PATL1: variants seen among roughly 807,000 people sequenced by gnomAD.
PATL1 encodes the protein protein PAT1 homolog 1.
In PATL1, 32 loss-of-function variants were observed where a neutral mutation model predicts 100.6. The ratio of observed to expected loss-of-function variants is 0.32; its 90% confidence interval spans 0.24 to 0.43. The LOEUF is 0.43. PATL1 is among the 20% of genes least tolerant of loss of function. The pLI is 1.00. For missense variants in PATL1, 747 were observed against 949.9 expected, an observed-to-expected ratio of 0.79 and a Z score of 2.81; for synonymous variants, 332 against 330.0, an observed-to-expected ratio of 1.01 and a Z score of -0.07.
chr11:59,651,469 C>G, intron 12 of PATL1, 75 bp downstream of exon 12: 1 of 1,168,056 alleles, frequency 8.6e-7, no homozygotes, highest in South Asian at 1.3e-5. Flanking sequence ...CATGCCTGAT[C>G]TCATTCCATG....
At chr11:59,659,226 T>TTC in intron 3 of PATL1, 26 bp downstream of exon 3, 2 of 1,542,910 alleles carry the variant, frequency 1.3e-6, no homozygotes, top group African/African-American at 2.7e-5. Context: ...TCTGCTATAG[T>TTC]TCTCAAATCA....
At chr11:59,658,432 C>T (rs1183836373) in intron 4 of PATL1, among the ~76,000 whole-genome samples, 1 of 151,986 alleles carries the variant, frequency 6.6e-6, no homozygotes, top group Admixed American at 6.5e-5. Context: ...AAGTGATTCT[C>T]CTGCCTCAGC....
chr11:59,641,376 C>T (rs1015853576), intron 16 of PATL1, among the ~76,000 whole-genome samples: 1 of 151,924 alleles, frequency 6.6e-6, no homozygotes, highest in Non-Finnish European at 1.5e-5. Context: ...ATGACTCATA[C>T]CTATAAATGG....
intron 5 of PATL1, among the ~76,000 whole-genome samples, chr11:59,657,280 G>A (rs1242960533): frequency 6.6e-6 from 1 of 152,190 alleles, no homozygotes; most frequent in Non-Finnish European, 1.5e-5. Flanking sequence ...CTTCAAAAAG[G>A]ATATATGTGC....
intron 16 of PATL1, 21 bp downstream of exon 16, chr11:59,642,859 G>A: frequency 6.2e-7 from 1 of 1,602,632 alleles, no homozygotes; most frequent in East Asian, 2.2e-5. Context: ...AAAGTTCAAG[G>A]AGTTAAAAGG....
chr11:59,644,343 GGAAA>G (rs141902731), intron 15 of PATL1, among the ~76,000 whole-genome samples: 3,443 of 151,546 alleles, frequency 0.023, 124 homozygotes, highest in African/African-American at 0.08. Context: ...CCATTTCTCA[GGAAA>G]GAATTTTAAA....
chr11:59,667,739 T>A (rs1464038383), intron 1 of PATL1, among the ~76,000 whole-genome samples: 1 of 152,234 alleles, frequency 6.6e-6, no homozygotes. Context: ...GGGCAAAGAT[T>A]ACAGATTATC....
Position 59,650,788 on chromosome 11 carries a change from T to C in PATL1, c.1550A>G (p.Asp517Gly), listed in dbSNP as rs1208737155. 1 of 1,557,926 alleles carries C rather than the reference T, an allele frequency of 6.4e-7. No individual in the cohort carries two copies. The highest frequency in any genetic ancestry group is 1.4e-5 in the African/African-American group (1 of 74,022). The change falls in exon 13 of 19, where the codon GAC becomes GGC. Residue 517 changes from aspartate to glycine, a missense_variant. Asp to Gly is a moderately conservative substitution (Grantham distance 94). Around this residue, in one of 4 missense-constraint regions of PATL1, gnomAD observed 434 missense variants for 596.1 expected, o/e 0.73. Transcript: ENST00000300146. ...DDETKEKQVRDKRRKTLVIIE... is the reference protein window; with the variant it reads ...DDETKEKQVRGKRRKTLVIIE... ...TATAACAAGGGTTTTTCTCCTCTTG[T>C]CTCGAACTTGTTTTTCTTTTGTCTC... is the stretch of plus-strand genomic sequence containing the variant.
intron 14 of PATL1, among the ~76,000 whole-genome samples, chr11:59,648,193 T>G (rs1426660688): frequency 6.7e-6 from 1 of 150,020 alleles, no homozygotes; most frequent in East Asian, 1.9e-4. Flanking sequence ...TTCTTTTTTT[T>G]TTTTTTTTTT....
intron 2 of PATL1, among the ~76,000 whole-genome samples, chr11:59,666,417 A>G (rs904225224): frequency 1.3e-5 from 2 of 152,190 alleles, no homozygotes; most frequent in East Asian, 1.9e-4. Flanking sequence ...TATACTAGTG[A>G]TAGACTAAAT....
rs1590691439 is a variant in PATL1 at position 59,637,863 on chromosome 11, T to C, written c.*527A>G. The C allele has an allele frequency of 6.5e-6, 1 of 153,994 alleles. No individual in the cohort carries two copies. Among genetic ancestry groups the C allele is most frequent in the East Asian group, 1.9e-4 (1 of 5,232 alleles). The allele number at this position is 153,994 out of a possible 1,614,324, so 9.5% of individuals were successfully genotyped here. ...TGAGACAACTAAATATTTTTCAATCTAAAATTCATTCTTTAAGGACCCTCT... is the reference window on the plus strand; with the variant it reads ...TGAGACAACTAAATATTTTTCAATCCAAAATTCATTCTTTAAGGACCCTCT... On this transcript the variant is annotated 3_prime_UTR_variant, in exon 19 of 19. Transcript: ENST00000300146.
In PATL1 at chr11:59,656,572, C is replaced by G. The variant is rs771386815; in HGVS notation, c.650G>C (p.Arg217Pro). The change falls in exon 6 of 19, where the codon CGG (arginine) becomes CCG (proline). Residue 217 changes from arginine to proline, a missense_variant. Physicochemically the swap from Arg to Pro is moderately radical, Grantham distance 103. Transcript: ENST00000300146. ...QILCPKPVHVRPPMPPRYPAP... is the reference protein window; with the variant it reads ...QILCPKPVHVPPPMPPRYPAP... ...AGGATAACGAGGTGGCATTGGGGGC[C>G]GAACATGGACAGGCTTCGGACACAG... 2 of 1,613,826 alleles carry G rather than the reference C, an allele frequency of 1.2e-6. No homozygotes were observed. Among genetic ancestry groups the G allele is most frequent in the Non-Finnish European group, 1.7e-6 (2 of 1,179,856 alleles).
Position 59,657,738 on chromosome 11 carries a change from T to C in PATL1, c.427-14A>G. The C allele has an allele frequency of 3.9e-6, 6 of 1,535,446 alleles. No individual in the cohort carries two copies. Among genetic ancestry groups the C allele is most frequent in the Non-Finnish European group, 5.3e-6 (6 of 1,131,440 alleles). On this transcript the variant is annotated splice_polypyrimidine_tract_variant and intron_variant, in intron 4 of 18. Coordinates refer to ENST00000300146, the MANE Select transcript of PATL1 (RefSeq NM_152716.3). ...TGTAGGCATTTCCTAATTGAGGAAG[T>C]GGTAAAATAAAATAGAAATTAACTA...
intron 2 of PATL1, among the ~76,000 whole-genome samples, chr11:59,665,257 C>T (rs1404572078): frequency 7.9e-5 from 12 of 152,084 alleles, no homozygotes; most frequent in Admixed American, 7.9e-4. Flanking sequence ...AACCAGTGAC[C>T]ATTATAATAC....
intron 8 of PATL1, 118 bp from the exon 9 acceptor site, chr11:59,654,190 A>G (rs1171933537): frequency 1.0e-5 from 9 of 878,910 alleles, no homozygotes; most frequent in South Asian, 1.4e-5. Flanking sequence ...ACAAAAGTCT[A>G]TTCGGGATGG....
At chr11:59,657,256 C>T in intron 5 of PATL1, 1 of 618,336 alleles carries the variant, frequency 1.6e-6, no homozygotes, top group Non-Finnish European at 2.0e-6. Flanking sequence ...ATGTTTTGGG[C>T]AGCCAGCAAA....
chr11:59,658,106 G>C (rs74673988), intron 4 of PATL1, among the ~76,000 whole-genome samples: 1 of 151,658 alleles, frequency 6.6e-6, no homozygotes, highest in Non-Finnish European at 1.5e-5. Flanking sequence ...CAAGGTTACA[G>C]AGAGCTATGA....
chr11:59,658,590 T>G (rs1338170767), intron 4 of PATL1, among the ~76,000 whole-genome samples: 1 of 152,204 alleles, frequency 6.6e-6, no homozygotes, highest in Non-Finnish European at 1.5e-5. Flanking sequence ...CTCAAAGTGC[T>G]GGGATTACAC....
intron 16 of PATL1, among the ~76,000 whole-genome samples, chr11:59,641,976 C>T (rs1861288329): frequency 6.6e-6 from 1 of 152,128 alleles, no homozygotes; most frequent in Non-Finnish European, 1.5e-5. Flanking sequence ...ACTTTTTCAT[C>T]TCTACTGTAC....
Sources: allele counts gnomAD v4.1 joint callset (sites outside exome capture counted in the v4.1 genomes callset), GRCh38; gene constraint gnomAD v4.1.1; regional missense constraint gnomAD v4.1.1; transcripts MANE v1.5; gene names NCBI Gene and HGNC (gene_info 2026-07-23, HGNC 2026-07-21).